The following STOX1 variants were observed in gnomAD, a reference collection of about 807,000 sequenced individuals.
The protein encoded by STOX1 is storkhead box 1, also known as storkhead-box protein 1.
STOX1 carries 57 observed loss-of-function variants against 74.8 expected under a neutral mutation model. The ratio of observed to expected loss-of-function variants is 0.76; its 90% CI spans 0.62 to 0.95. The LOEUF is 0.95. Ranked by LOEUF, STOX1 falls within the 40% of genes least tolerant of loss-of-function variation. The probability of loss-of-function intolerance (pLI) is 0.00; values close to 1 mark genes in which losing one functional copy is unlikely to be tolerated. For synonymous variants in STOX1, 375 were observed against 401.3 expected (o/e 0.93, Z 0.78); for missense variants, 1,010 against 1,117.0 (o/e 0.90, Z 1.37).
intron 1 of STOX1, among the ~76,000 whole-genome samples, chr10:68,858,778 C>G (rs370558073): frequency 2.6e-5 from 4 of 151,640 alleles, no homozygotes; most frequent in African/African-American, 7.3e-5. Context: ...TTGTGCAGGT[C>G]CTGTTTATTA....
Position 68,827,561 on chromosome 10 carries a change from G to GCC in STOX1, c.-63_-62insCC. 1 of 1,042,918 alleles carries GCC rather than the reference G, an allele frequency of 9.6e-7. No homozygotes were observed. Among genetic ancestry groups the GCC allele is most frequent in the Non-Finnish European group, 1.2e-6 (1 of 852,586 alleles). 64.6% of individuals were successfully genotyped at this position (1,042,918 alleles called of 1,614,324 possible). On this transcript the variant is annotated 5_prime_UTR_variant, in exon 1 of 4. Transcript: ENST00000298596. ...CGGCCGATCCTCCCGCCGAGCGAGC[G>GCC]GCGTCGTAGCCGCCGCGCTCGCCGA...
At chr10:68,863,966 C>T (rs1450170005) in intron 1 of STOX1, among the ~76,000 whole-genome samples, 1 of 150,632 alleles carries the variant, frequency 6.6e-6, no homozygotes, top group Non-Finnish European at 1.5e-5. Context: ...GCTCTCTCAC[C>T]CAGGCTGGAG....
At chr10:68,854,903 GAGACC>G (rs1443691367) in intron 1 of STOX1, among the ~76,000 whole-genome samples, 17 of 152,102 alleles carry the variant, frequency 1.1e-4, no homozygotes, top group Non-Finnish European at 2.1e-4. Context: ...GCTTGAGTTG[GAGACC>G]AGCCTGGGCA....
rs1394236913 is a variant in STOX1 at position 68,882,204 on chromosome 10, T to C, written c.463+94T>C. 3 of 1,218,524 alleles carry C rather than the reference T, an allele frequency of 2.5e-6. No homozygotes were observed. The East Asian group carries it at 7.1e-5, about 29-fold the overall frequency. The allele number at this position is 1,218,524 out of a possible 1,614,324, so 75.5% of individuals were successfully genotyped here. ...TAAGCACATAAACTGGGTGATATCC[T>C]TTTTTCCCCTCTTCTATAGAACTTT... On this transcript the variant is annotated intron_variant, in intron 2 of 3. Coordinates refer to ENST00000298596, the MANE Select transcript of STOX1 (RefSeq NM_152709.5).
chr10:68,882,038 T>C lies in STOX1; in HGVS notation c.391T>C (p.Ser131Pro). Residue 131 changes from serine to proline, a missense_variant, in exon 2 of 4, where the codon TCT becomes CCT. Ser to Pro is a moderately conservative substitution (Grantham distance 74). Coordinates refer to ENST00000298596, the MANE Select transcript of STOX1 (RefSeq NM_152709.5). The part of the protein sequence containing the change: ...PLGEVLCCAI[S>P]DMNTAQIVVT... ...GGGTGAAGTTCTTTGCTGTGCTATATCTGATATGAATACAGCTCAGATTGT... is the reference window on the plus strand; with the variant it reads ...GGGTGAAGTTCTTTGCTGTGCTATACCTGATATGAATACAGCTCAGATTGT... The C allele has an allele frequency of 6.2e-7, 1 of 1,613,948 alleles. No homozygotes were observed. Among genetic ancestry groups the C allele is most frequent in the Non-Finnish European group, 8.5e-7 (1 of 1,179,914 alleles).
intron 2 of STOX1, among the ~76,000 whole-genome samples, chr10:68,883,727 T>C (rs1840866348): frequency 2.0e-5 from 3 of 151,440 alleles, no homozygotes; most frequent in Non-Finnish European, 2.9e-5. Context: ...TCCTATTATT[T>C]AAGTTATAAA....
chr10:68,846,292 A>G (rs768414463), intron 1 of STOX1, among the ~76,000 whole-genome samples: 28 of 151,786 alleles, frequency 1.8e-4, no homozygotes, highest in Non-Finnish European at 3.1e-4. Context: ...GAGTACAGGC[A>G]TGCACCACCA....
intron 1 of STOX1, among the ~76,000 whole-genome samples, chr10:68,848,878 C>T (rs1839914981): frequency 6.6e-6 from 1 of 152,242 alleles, no homozygotes; most frequent in African/African-American, 2.4e-5. Flanking sequence ...CTGTGTTTCC[C>T]AGGCTGGTCT....
At chr10:68,856,109 G>A (rs1024406122) in intron 1 of STOX1, among the ~76,000 whole-genome samples, 4 of 151,820 alleles carry the variant, frequency 2.6e-5, no homozygotes, top group Non-Finnish European at 4.4e-5. Context: ...GGTTGGGAGA[G>A]CAGGGCAAAA....
At chr10:68,888,801 A>ATTTTT (rs1841029245) in intron 3 of STOX1, among the ~76,000 whole-genome samples, 1 of 32,890 alleles carries the variant, frequency 3.0e-5, no homozygotes, top group Admixed American at 3.7e-4. Context: ...ATGCCCAGCT[A>ATTTTT]ATTTTTTTTT....
chr10:68,859,653 C>G (rs946373977), intron 1 of STOX1, among the ~76,000 whole-genome samples: 1 of 151,970 alleles, frequency 6.6e-6, no homozygotes, highest in African/African-American at 2.4e-5. Flanking sequence ...GCAATAAATG[C>G]CTAATGTCCT....
At position 68,887,502 on chromosome 10, in the gene STOX1, G is replaced by C. The variant is rs545265007; in HGVS notation, c.2822+884G>C. 1.1e-4 allele frequency among the ~76,000 whole-genome samples: 16 copies of C among 151,826 alleles called. No homozygotes were observed. The South Asian group carries it at 3.3e-3, about 32-fold the overall frequency. Reference sequence around the variant, plus strand: ...TCTCCATGTTGGTCAGGCTGGTCTTGAACTCCTGACCTCAGGTGATCCGCC... The same window carrying C: ...TCTCCATGTTGGTCAGGCTGGTCTTCAACTCCTGACCTCAGGTGATCCGCC... On this transcript the variant is annotated intron_variant, in intron 3 of 3. Coordinates refer to ENST00000298596, the MANE Select transcript of STOX1 (RefSeq NM_152709.5).
Position 68,827,646 on chromosome 10 carries a change from C to T in STOX1, c.23C>T (p.Ala8Val). 3 of 1,144,036 alleles carry T rather than the reference C, an allele frequency of 2.6e-6. No individual in the cohort carries two copies. Among genetic ancestry groups the T allele is most frequent in the South Asian group, 8.1e-5 (2 of 24,612 alleles). The allele number at this position is 1,144,036 out of a possible 1,614,324, so 70.9% of individuals were successfully genotyped here. ...AGCATGGCCCGGCCCGTGCAGCTGGCGCCGGGCTCGCTGGCGCTAGTGCTG... is the reference window on the plus strand; with the variant it reads ...AGCATGGCCCGGCCCGTGCAGCTGGTGCCGGGCTCGCTGGCGCTAGTGCTG... MARPVQL[A>V]PGSLALVLCR... Residue 8 changes from alanine to valine, a missense_variant, in exon 1 of 4, where the codon GCG (alanine) becomes GTG (valine). Ala to Val is a moderately conservative substitution (Grantham distance 64, BLOSUM62 0). Transcript: ENST00000298596.
At chr10:68,880,164 C>CTTTTTTTTTTTTTTTTTTTTTTTTTTTTT (rs71028800) in intron 1 of STOX1, among the ~76,000 whole-genome samples, 2 of 124,416 alleles carry the variant, frequency 1.6e-5, no homozygotes, top group Non-Finnish European at 3.4e-5. Context: ...TCTTTCTTTC[C>CTTTTTTTTTTTTTTTTTTTTTTTTTTTTT]TTTTTTTTTT....
chr10:68,836,730 G>A (rs1839565017), intron 1 of STOX1, among the ~76,000 whole-genome samples: 1 of 152,160 alleles, frequency 6.6e-6, no homozygotes, highest in Non-Finnish European at 1.5e-5. Flanking sequence ...AGGTGTGAAC[G>A]GCTTCCTGCT....
chr10:68,828,836 G>T, intron 1 of STOX1: 2 of 332,608 alleles, frequency 6.0e-6, no homozygotes, highest in Non-Finnish European at 8.6e-6. Context: ...CATCCCTTTA[G>T]CTGAATAGAC....
At chr10:68,889,760 C>T (rs1589239978) in intron 3 of STOX1, among the ~76,000 whole-genome samples, 5 of 151,804 alleles carry the variant, frequency 3.3e-5, no homozygotes. Context: ...GACAGGGTTT[C>T]ACCATGTTGT....
Position 68,892,879 on chromosome 10 carries a change from T to C in STOX1, c.*143T>C. On this transcript the variant is annotated 3_prime_UTR_variant, in exon 4 of 4. Transcript: ENST00000298596. ...ATTAACCACATTACACATTTTGTTC[T>C]AATTACTGGCTTTTTTTCCTCTTTT... 1 of 960,612 alleles carries C rather than the reference T, an allele frequency of 1.0e-6. No individual in the cohort carries two copies. 59.5% of individuals were successfully genotyped at this position (960,612 alleles called of 1,614,324 possible).
In STOX1 at chr10:68,886,058, CCA is replaced by C; in HGVS notation, c.2265_2266del (p.His755GlnfsTer21). On this transcript the variant is annotated frameshift_variant, in exon 3 of 4. Transcript: ENST00000298596. LOFTEE classifies it high-confidence loss of function. ...NDDLRQMLPG[H>X]SQYSFTGGSQ... is the part of the protein sequence containing the mutation. ...ACGACTTACGTCAAATGCTGCCTGG[CCA>C]CAGTCAGTATTCCTTCACAGGTGGA... is the stretch of plus-strand genomic sequence containing the variant. 1 of 1,614,124 alleles carries C rather than the reference CCA, an allele frequency of 6.2e-7. No homozygotes were observed. The highest frequency in any genetic ancestry group is 2.2e-5 in the East Asian group (1 of 44,880).
Sources: gnomAD v4.1 joint callset for allele counts (sites outside exome capture counted in the v4.1 genomes callset) on GRCh38, gnomAD v4.1.1 for gene constraint, MANE v1.5 for transcripts, NCBI Gene and HGNC (gene_info 2026-07-23, HGNC 2026-07-21) for gene names.